SETBP1: variants seen among roughly 807,000 people sequenced by gnomAD.
SETBP1 encodes the protein SET binding protein 1, also known as SET-binding protein.
Under a neutral mutation model 101.0 loss-of-function variants are expected in SETBP1, and 9 were observed. The observed-to-expected ratio is 0.09, with a 90% CI of 0.05 to 0.16. SETBP1 has a LOEUF of 0.16. SETBP1 is among the 10% of genes least tolerant of loss of function. The pLI, the probability that SETBP1 is intolerant of heterozygous loss-of-function variation, is 1.00. For missense variants in SETBP1, 1,858 were observed against 2,033.8 expected, an observed-to-expected ratio of 0.91 and a Z score of 1.66; for synonymous variants, 818 against 788.5, an observed-to-expected ratio of 1.04 and a Z score of -0.63.
chr18:44,928,821 T>C (rs2070760604), intron 3 of SETBP1, among the ~76,000 whole-genome samples: 1 of 152,272 alleles, frequency 6.6e-6, no homozygotes, highest in African/African-American at 2.4e-5. Flanking sequence ...TTGTAGATTC[T>C]AGGTATTAGC....
chr18:45,012,506 T>G (rs1411997344), intron 4 of SETBP1, among the ~76,000 whole-genome samples: 1 of 152,150 alleles, frequency 6.6e-6, no homozygotes, highest in Admixed American at 6.5e-5. Flanking sequence ...GGATTGGTTC[T>G]TTTGCATGTG....
chr18:44,899,444 G>T (rs2069985869), intron 3 of SETBP1, among the ~76,000 whole-genome samples: 1 of 152,184 alleles, frequency 6.6e-6, no homozygotes, highest in Non-Finnish European at 1.5e-5. Context: ...AACTGCAATA[G>T]TTCCTCAGGC....
chr18:44,920,498 C>T (rs1476769118), intron 3 of SETBP1, among the ~76,000 whole-genome samples: 1 of 152,166 alleles, frequency 6.6e-6, no homozygotes, highest in East Asian at 1.9e-4. Flanking sequence ...AACTTACAGA[C>T]TAATTGTAAT....
chr18:44,730,026 A>G (rs1049543451), intron 2 of SETBP1, among the ~76,000 whole-genome samples: 1 of 152,174 alleles, frequency 6.6e-6, no homozygotes, highest in South Asian at 2.1e-4. Context: ...AGGTCTAGCT[A>G]TGCATCTGTG....
intron 4 of SETBP1, among the ~76,000 whole-genome samples, chr18:44,954,463 G>A (rs1030483410): frequency 1.3e-5 from 2 of 151,448 alleles, no homozygotes; most frequent in African/African-American, 4.9e-5. Flanking sequence ...TTTCACTTCT[G>A]TTTATGATGT....
intron 5 of SETBP1, among the ~76,000 whole-genome samples, chr18:45,050,699 CTGTG>C: frequency 6.6e-6 from 1 of 152,180 alleles, no homozygotes; most frequent in East Asian, 1.9e-4. Context: ...TGTGAACACT[CTGTG>C]TGGCCGGGAT....
Position 44,701,356 on chromosome 18 carries a change from A to C in SETBP1, c.10A>C (p.Arg4=), listed in dbSNP as rs1335280930. The change falls in exon 2 of 6, where the codon AGG becomes CGG. Residue 4 remains arginine (R), a synonymous_variant. Coordinates refer to ENST00000649279, the MANE Select transcript of SETBP1 (RefSeq NM_015559.3). ...GACTGTAGAGATTGTCATGGAGTCC[A>C]GGGAAACCTTAAGCAGCTCCCGGCA... MES[R]ETLSSSRQRG... is the part of the protein sequence containing the mutation. 1 of 1,507,112 alleles carries C rather than the reference A, an allele frequency of 6.6e-7. No individual in the cohort carries two copies. Among genetic ancestry groups the C allele is most frequent in the East Asian group, 2.5e-5 (1 of 40,490 alleles). The allele number at this position is 1,507,112 out of a possible 1,614,324, so 93.4% of individuals were successfully genotyped here. A position where few individuals can be genotyped will look rare whatever the true frequency, so the allele number is the denominator to read the frequency against.
chr18:44,882,503 CTTT>C (rs79656454), intron 3 of SETBP1, among the ~76,000 whole-genome samples: 1 of 144,232 alleles, frequency 6.9e-6, no homozygotes. Flanking sequence ...ACCTTTGTGT[CTTT>C]TTTTTTTTTT....
At chr18:45,004,584 G>T (rs2072685752) in intron 4 of SETBP1, among the ~76,000 whole-genome samples, 2 of 152,174 alleles carry the variant, frequency 1.3e-5, no homozygotes. Context: ...AAAGAAACAG[G>T]GTTAGGACCA....
Position 45,063,716 on chromosome 18 carries a change from G to T in SETBP1, c.*18G>T. 1 of 1,598,598 alleles carries T rather than the reference G, an allele frequency of 6.3e-7. No individual in the cohort carries two copies. The highest frequency in any genetic ancestry group is 1.3e-5 in the African/African-American group (1 of 74,546). On this transcript the variant is annotated 3_prime_UTR_variant, in exon 6 of 6. Coordinates refer to ENST00000649279, the MANE Select transcript of SETBP1 (RefSeq NM_015559.3). ...TTCCCTAGGGCGGGTCTGGGCGTCT[G>T]CACCTGGGGCCTAGGGAACTGACAC...
intron 2 of SETBP1, among the ~76,000 whole-genome samples, chr18:44,761,795 G>A (rs2070655185): frequency 1.3e-5 from 2 of 152,176 alleles, no homozygotes; most frequent in Admixed American, 6.5e-5. Flanking sequence ...AAGGAATTAG[G>A]CAGAACAATT....
At chr18:45,019,239 A>T (rs1029969550) in intron 4 of SETBP1, among the ~76,000 whole-genome samples, 1 of 152,234 alleles carries the variant, frequency 6.6e-6, no homozygotes, top group African/African-American at 2.4e-5. Flanking sequence ...ATATTACATA[A>T]CCAAGGCTGG....
At chr18:44,732,566 T>C (rs997908828) in intron 2 of SETBP1, 2 of 152,230 alleles carry the variant, frequency 1.3e-5, no homozygotes, top group Non-Finnish European at 2.9e-5. Flanking sequence ...CGAGAATAAG[T>C]GCTCTGTAAA....
chr18:44,760,606 C>A (rs1001572918), intron 2 of SETBP1, among the ~76,000 whole-genome samples: 1 of 152,224 alleles, frequency 6.6e-6, no homozygotes, highest in Admixed American at 6.5e-5. Context: ...TCTCTCTTCT[C>A]TCTAGCCCCT....
rs1403016830 is a variant in SETBP1, at chr18:44,918,490, T to C, written c.541-31391T>C. Among the ~76,000 whole-genome samples, 3 of 152,176 alleles carry C rather than the reference T, an allele frequency of 2.0e-5. No homozygotes were observed. In the East Asian group the frequency reaches 5.8e-4, roughly 29 times the overall value. On this transcript the variant is annotated intron_variant, in intron 3 of 5. Coordinates refer to ENST00000649279, the MANE Select transcript of SETBP1 (RefSeq NM_015559.3). ...ATCCTACCTGGCCACTAACAAGCCATTGGACTATCAAGAAATGGAAGAGAT... is the reference window on the plus strand; with the variant it reads ...ATCCTACCTGGCCACTAACAAGCCACTGGACTATCAAGAAATGGAAGAGAT...
At chr18:44,753,815 G>A (rs924163459) in intron 2 of SETBP1, among the ~76,000 whole-genome samples, 3 of 152,234 alleles carry the variant, frequency 2.0e-5, no homozygotes, top group Non-Finnish European at 2.9e-5. Context: ...AATCATAGTC[G>A]TGAATGGGAA....
intron 3 of SETBP1, among the ~76,000 whole-genome samples, chr18:44,920,087 C>G (rs1007587837): frequency 2.6e-5 from 4 of 152,296 alleles, no homozygotes; most frequent in African/African-American, 9.6e-5. Context: ...GTTCTTCAAA[C>G]TGGAAAGTCC....
At position 44,936,050 on chromosome 18, in the gene SETBP1, T is replaced by G. The variant is rs181124483; in HGVS notation, c.541-13831T>G. Among the ~76,000 whole-genome samples the G allele has an allele frequency of 3.0e-3, 457 of 152,308 alleles. 9 individuals carry two copies. Among genetic ancestry groups the G allele is most frequent in the Admixed American group, 0.027 (408 of 15,306 alleles). The stretch of plus-strand genomic sequence containing the variant: ...AGCTAAAACATTTTTAAAACTGAAA[T>G]GTTGCTCCCTGTAATTCTTCTCCAT... On this transcript the variant is annotated intron_variant, in intron 3 of 5. Coordinates refer to ENST00000649279, the MANE Select transcript of SETBP1 (RefSeq NM_015559.3).
chr18:45,064,887 GAGTA>G lies in SETBP1; in HGVS notation c.*1193_*1196del, dbSNP rs2073947681. 6.6e-6 allele frequency: 1 copy of G among 151,614 alleles called. No individual in the cohort carries two copies. Among genetic ancestry groups the G allele is most frequent in the African/African-American group, 2.4e-5 (1 of 41,268 alleles). The allele number at this position is 151,614 out of a possible 1,614,324, so 9.4% of individuals were successfully genotyped here. The stretch of plus-strand genomic sequence containing the variant: ...ATAATTATTTCTTAAAAGCAAATGG[GAGTA>G]AGTGTTCTTATCTGGAAAAATAAAT... On this transcript the variant is annotated 3_prime_UTR_variant, in exon 6 of 6. Coordinates refer to ENST00000649279, the MANE Select transcript of SETBP1 (RefSeq NM_015559.3).
Sources: allele counts gnomAD v4.1 joint callset (sites outside exome capture counted in the v4.1 genomes callset), GRCh38; gene constraint gnomAD v4.1.1; transcripts MANE v1.5; gene names NCBI Gene and HGNC (gene_info 2026-07-23, HGNC 2026-07-21).